The following NR2F1-AS1 variants were observed in gnomAD, a reference collection of about 807,000 sequenced individuals.
NR2F1-AS1 encodes the protein NR2F1 regulatory antisense RNA 1.
intron 2 of NR2F1-AS1, among the ~76,000 whole-genome samples, chr5:93,562,183 C>CAAAAAAAA (rs750644394): frequency 2.0e-5 from 1 of 50,634 alleles, no homozygotes; most frequent in Non-Finnish European, 4.2e-5. Context: ...CCCATCTCTA[C>CAAAAAAAA]AAAAAAAAAA....
chr5:93,561,553 G>C (rs568916972), intron 2 of NR2F1-AS1, among the ~76,000 whole-genome samples: 3 of 151,956 alleles, frequency 2.0e-5, no homozygotes, highest in African/African-American at 7.2e-5. Context: ...CGGGAGGTTC[G>C]CTTGAGCCCA....
At chr5:93,577,054 A>G (rs1382480369) in intron 1 of NR2F1-AS1, among the ~76,000 whole-genome samples, 1 of 152,256 alleles carries the variant, frequency 6.6e-6, no homozygotes, top group Non-Finnish European at 1.5e-5. Context: ...ATTTGGCTCT[A>G]GCTTCACTGG....
chr5:93,501,361 T>TG (rs1484057887), intron 4 of NR2F1-AS1, among the ~76,000 whole-genome samples: 2 of 150,026 alleles, frequency 1.3e-5, no homozygotes, highest in Non-Finnish European at 3.0e-5. Context: ...GGGGAATTTT[T>TG]TTTTTTTTTT....
chr5:93,510,380 T>G (rs569928231), intron 4 of NR2F1-AS1, among the ~76,000 whole-genome samples: 1 of 152,280 alleles, frequency 6.6e-6, no homozygotes, highest in African/African-American at 2.4e-5. Flanking sequence ...TGTATCAAAG[T>G]GTCAAAACTC....
rs139614798 is a variant in NR2F1-AS1, at chr5:93,442,151, T to C, written n.639-46609A>G. On this transcript the variant is annotated intron_variant and non_coding_transcript_variant, in intron 4 of 5. Transcript: ENST00000660523. The stretch of plus-strand genomic sequence containing the variant: ...AGCAACACAAAAGATGGGTGACTTC[T>C]GCATTTCCAACTGAGGTGCCAGGTT... Among the ~76,000 whole-genome samples, 470 of 152,324 alleles carry C rather than the reference T, an allele frequency of 3.1e-3. 1 individual carries two copies. The highest frequency in any genetic ancestry group is 0.011 in the African/African-American group (448 of 41,572).
intron 4 of NR2F1-AS1, among the ~76,000 whole-genome samples, chr5:93,413,026 A>AACTTCCTC (rs1561423264): frequency 6.6e-6 from 1 of 150,506 alleles, no homozygotes; most frequent in African/African-American, 2.5e-5. Flanking sequence ...CCTTCATAGG[A>AACTTCCTC]ACTTCCTCAC....
intron 4 of NR2F1-AS1, among the ~76,000 whole-genome samples, chr5:93,429,419 C>A (rs1749264253): frequency 6.6e-6 from 1 of 152,142 alleles, no homozygotes; most frequent in South Asian, 2.1e-4. Flanking sequence ...ATATCCCTTA[C>A]CTTTTAGCAT....
chr5:93,434,370 T>G (rs1427689017), intron 4 of NR2F1-AS1, among the ~76,000 whole-genome samples: 1 of 152,194 alleles, frequency 6.6e-6, no homozygotes, highest in Non-Finnish European at 1.5e-5. Flanking sequence ...ACAGAAGAGT[T>G]TCAGGCATCG....
intron 4 of NR2F1-AS1, among the ~76,000 whole-genome samples, chr5:93,538,496 A>T (rs1751885100): frequency 6.6e-6 from 1 of 152,162 alleles, no homozygotes; most frequent in Non-Finnish European, 1.5e-5. Context: ...TTAAATAAAT[A>T]AATATTCACA....
chr5:93,565,739 T>C (rs1752602931), intron 1 of NR2F1-AS1, among the ~76,000 whole-genome samples: 1 of 151,816 alleles, frequency 6.6e-6, no homozygotes, highest in South Asian at 2.1e-4. Context: ...ATGAAAATAG[T>C]TGTGTATGGT....
At chr5:93,526,519 A>G (rs549485595) in intron 4 of NR2F1-AS1, among the ~76,000 whole-genome samples, 1 of 152,320 alleles carries the variant, frequency 6.6e-6, no homozygotes, top group African/African-American at 2.4e-5. Flanking sequence ...TCCTGATACC[A>G]AAACCTGGCA....
chr5:93,463,889 A>G (rs781445371), intron 4 of NR2F1-AS1, among the ~76,000 whole-genome samples: 51 of 152,082 alleles, frequency 3.4e-4, no homozygotes, highest in Non-Finnish European at 6.5e-4. Flanking sequence ...CTTGCTTTTG[A>G]TTTTACAGGC....
chr5:93,581,674 C>T (rs563728157), upstream of NR2F1-AS1, among the ~76,000 whole-genome samples: 1 of 25,056 alleles, frequency 4.0e-5, no homozygotes, highest in Non-Finnish European at 8.0e-5. Flanking sequence ...CTCGGTCTCT[C>T]TCTCTCTCTC....
intron 4 of NR2F1-AS1, among the ~76,000 whole-genome samples, chr5:93,471,580 A>C (rs1750366042): frequency 6.6e-6 from 1 of 151,922 alleles, no homozygotes; most frequent in African/African-American, 2.4e-5. Flanking sequence ...ACCTTTGGTT[A>C]CAGGTGATAA....
In NR2F1-AS1 at chr5:93,579,893, G is replaced by T. The variant is rs1348161680; in HGVS notation, n.313+574C>A. ...AGCGGCTCGATGTCCCTTTTAATCC[G>T]CTGACACTATCGCCCACATCAGACA... On this transcript the variant is annotated intron_variant and non_coding_transcript_variant, in intron 1 of 5. Coordinates refer to ENST00000660523, the Ensembl canonical transcript of NR2F1-AS1. This position sits in a 1 kb window ranked among gnomAD's most constrained non-coding sequence, Gnocchi z 5.1. 1.3e-5 allele frequency among the ~76,000 whole-genome samples: 2 copies of T among 152,184 alleles called. No homozygotes were observed. The highest frequency in any genetic ancestry group is 1.5e-5 in the Non-Finnish European group (1 of 68,038).
intron 4 of NR2F1-AS1, among the ~76,000 whole-genome samples, chr5:93,435,381 G>A (rs1216305592): frequency 6.6e-6 from 1 of 152,024 alleles, no homozygotes; most frequent in Non-Finnish European, 1.5e-5. Flanking sequence ...CATCATAATT[G>A]GAGCTGTATT....
intron 4 of NR2F1-AS1, among the ~76,000 whole-genome samples, chr5:93,446,141 A>C (rs951208657): frequency 6.6e-6 from 1 of 152,214 alleles, no homozygotes; most frequent in Admixed American, 6.5e-5. Context: ...AAACTGGCAT[A>C]AGACAGGGAT....
chr5:93,424,965 T>G (rs1391462188), intron 4 of NR2F1-AS1, among the ~76,000 whole-genome samples: 1 of 152,222 alleles, frequency 6.6e-6, no homozygotes, highest in Non-Finnish European at 1.5e-5. Context: ...ATCAGATATC[T>G]TAAACTCCTT....
chr5:93,570,301 C>A (rs527637207), intron 1 of NR2F1-AS1: 28 of 152,532 alleles, frequency 1.8e-4, no homozygotes, highest in African/African-American at 6.7e-4. Context: ...TGCTTCCTAC[C>A]CCTACCAGCA....
Sources: allele counts gnomAD v4.1 joint callset (sites outside exome capture counted in the v4.1 genomes callset), GRCh38; gene constraint gnomAD v4.1.1; non-coding constraint Gnocchi (gnomAD v3.1); transcripts MANE v1.5; gene names NCBI Gene and HGNC (gene_info 2026-07-23, HGNC 2026-07-21).